Variants in POGZ observed in about 807,000 individuals in gnomAD.
POGZ encodes the protein pogo transposable element derived with ZNF domain, also known as pogo transposable element with ZNF domain.
A neutral mutation model predicts 134.6 loss-of-function variants in POGZ; 17 were observed. That is an observed-to-expected ratio of 0.13 (90% CI 0.09 to 0.19). POGZ has a LOEUF of 0.19. POGZ is among the 10% of genes least tolerant of loss of function. The probability of loss-of-function intolerance (pLI) is 1.00; values close to 1 mark genes in which losing one functional copy is unlikely to be tolerated. For missense variants in POGZ, 1,306 were observed against 1,769.7 expected, an observed-to-expected ratio of 0.74 and a Z score of 4.70; for synonymous variants, 693 against 657.1, an observed-to-expected ratio of 1.05 and a Z score of -0.84.
At chr1:151,456,476 A>T (rs1662786818) in intron 1 of POGZ, among the ~76,000 whole-genome samples, 1 of 152,222 alleles carries the variant, frequency 6.6e-6, no homozygotes, top group Non-Finnish European at 1.5e-5. Flanking sequence ...ATAGTCTGCT[A>T]GTCGTTCTTT....
At chr1:151,410,932 C>T (rs1471909227) in intron 12 of POGZ, among the ~76,000 whole-genome samples, 1 of 152,192 alleles carries the variant, frequency 6.6e-6, no homozygotes, top group Non-Finnish European at 1.5e-5. Flanking sequence ...GAATATCTCT[C>T]AACTCTACCC....
At chr1:151,446,991 A>T (rs938154477) in intron 1 of POGZ, among the ~76,000 whole-genome samples, 3 of 152,130 alleles carry the variant, frequency 2.0e-5, no homozygotes, top group Non-Finnish European at 4.4e-5. Flanking sequence ...TTATGCCCCC[A>T]CTTCCCTGTA....
At chr1:151,445,764 C>G (rs912913538) in intron 1 of POGZ, among the ~76,000 whole-genome samples, 18 of 152,018 alleles carry the variant, frequency 1.2e-4, no homozygotes, top group Non-Finnish European at 2.1e-4. Context: ...TGATTTTGAC[C>G]TACACTCTGC....
At chr1:151,437,881 C>T (rs915938510) in intron 3 of POGZ, among the ~76,000 whole-genome samples, 1 of 152,170 alleles carries the variant, frequency 6.6e-6, no homozygotes, top group Non-Finnish European at 1.5e-5. Flanking sequence ...TCACTTTATT[C>T]TGAAGCCATA....
Position 151,404,532 on chromosome 1 carries a change from TAA to T in POGZ, c.*268_*269del, listed in dbSNP as rs923196184. 346 of 852,410 alleles carry T rather than the reference TAA, an allele frequency of 4.1e-4. No individual in the cohort carries two copies. The highest frequency in any genetic ancestry group is 1.6e-3 in the East Asian group (26 of 16,702). 52.8% of individuals were successfully genotyped at this position (852,410 alleles called of 1,614,324 possible). Reference sequence around the variant, plus strand: ...AATACCAAACACAGTGATTTAAATTTAAAAAAAAAAAAAGTCACAAAAACCTG... The same window carrying T: ...AATACCAAACACAGTGATTTAAATTTAAAAAAAAAAAGTCACAAAAACCTG... On this transcript the variant is annotated 3_prime_UTR_variant, in exon 19 of 19. Coordinates refer to ENST00000271715, the MANE Select transcript of POGZ (RefSeq NM_015100.4).
chr1:151,426,917 T>C (rs1657884534), intron 7 of POGZ: 1 of 151,982 alleles, frequency 6.6e-6, no homozygotes, highest in African/African-American at 2.4e-5. Flanking sequence ...GTTTTAAAGG[T>C]TTTTACTTTT....
intron 3 of POGZ, among the ~76,000 whole-genome samples, chr1:151,434,538 A>T (rs1659266193): frequency 6.6e-6 from 1 of 152,174 alleles, no homozygotes; most frequent in Non-Finnish European, 1.5e-5. Flanking sequence ...CCTCAGTGAC[A>T]ATTAATTCCA....
intron 5 of POGZ, among the ~76,000 whole-genome samples, chr1:151,429,246 C>T (rs959081697): frequency 1.7e-4 from 25 of 150,304 alleles, no homozygotes; most frequent in Non-Finnish European, 3.1e-4. Context: ...AAAATTAAAA[C>T]AAAGTTTATA....
At chr1:151,421,898 G>A (rs920369741) in intron 10 of POGZ, among the ~76,000 whole-genome samples, 4 of 152,030 alleles carry the variant, frequency 2.6e-5, no homozygotes, top group South Asian at 2.1e-4. Flanking sequence ...GATTACCTGC[G>A]CACACCACCA....
chr1:151,459,017 C>CT (rs957157841), intron 1 of POGZ, 135 bp downstream of exon 1: 3 of 146,266 alleles, frequency 2.1e-5, no homozygotes, highest in Non-Finnish European at 4.5e-5. Flanking sequence ...CCGCCGGCCC[C>CT]CCGCCCCCAC....
chr1:151,404,545 A>AAG lies in POGZ; in HGVS notation c.*256_*257insCT. ...GTGATTTAAATTTAAAAAAAAAAAA[A>AAG]GTCACAAAAACCTGTTTTTAGCAGA... On this transcript the variant is annotated 3_prime_UTR_variant, in exon 19 of 19. Coordinates refer to ENST00000271715, the MANE Select transcript of POGZ (RefSeq NM_015100.4). 1 of 1,149,112 alleles carries AAG rather than the reference A, an allele frequency of 8.7e-7. No homozygotes were observed. Among genetic ancestry groups the AAG allele is most frequent in the South Asian group, 4.2e-5 (1 of 23,728 alleles). The allele number at this position is 1,149,112 out of a possible 1,614,324, so 71.2% of individuals were successfully genotyped here.
At chr1:151,437,223 T>C (rs546459283) in intron 3 of POGZ, among the ~76,000 whole-genome samples, 1 of 150,076 alleles carries the variant, frequency 6.7e-6, no homozygotes, top group Non-Finnish European at 1.5e-5. Context: ...AAAAAAGTAA[T>C]ACATGCCACA....
In POGZ at chr1:151,423,966, C is replaced by T; in HGVS notation, c.1506G>A (p.Arg502=). ...TSFRCPHCTK[R]LKNNIRFMNH... Reference sequence around the variant, plus strand: ...ACACTTACCGAATATTGTTTTTTAGCCTTTTGGTACAATGTGGGCATCGGA... The same window carrying T: ...ACACTTACCGAATATTGTTTTTTAGTCTTTTGGTACAATGTGGGCATCGGA... Residue 502 remains arginine, a synonymous_variant, in exon 9 of 19, where the codon AGG becomes AGA. Coordinates refer to ENST00000271715, the MANE Select transcript of POGZ (RefSeq NM_015100.4). The T allele has an allele frequency of 1.2e-6, 2 of 1,613,150 alleles. No individual in the cohort carries two copies. Among genetic ancestry groups the T allele is most frequent in the Non-Finnish European group, 1.7e-6 (2 of 1,179,462 alleles).
At position 151,404,773 on chromosome 1, in the gene POGZ, C is replaced by T; in HGVS notation, c.*29G>A. 3.8e-6 allele frequency: 6 copies of T among 1,561,070 alleles called. No homozygotes were observed. Among genetic ancestry groups the T allele is most frequent in the Non-Finnish European group, 4.3e-6 (5 of 1,152,064 alleles). On this transcript the variant is annotated 3_prime_UTR_variant, in exon 19 of 19. Coordinates refer to ENST00000271715, the MANE Select transcript of POGZ (RefSeq NM_015100.4). ...ACCCTCCCTCACATGTTCCCACCCT[C>T]ACTCCACACCCCCTCATGACCCCAA...
intron 7 of POGZ, 46 bp from the exon 8 acceptor site, chr1:151,425,107 G>C: frequency 9.9e-7 from 1 of 1,005,518 alleles, no homozygotes; most frequent in Non-Finnish European, 1.5e-6. Flanking sequence ...AATGACACTG[G>C]AAAAAGATTA....
In POGZ at chr1:151,428,117, C is replaced by A; in HGVS notation, c.859+6G>T. The A allele has an allele frequency of 6.2e-7, 1 of 1,614,018 alleles. No homozygotes were observed. Among genetic ancestry groups the A allele is most frequent in the Non-Finnish European group, 8.5e-7 (1 of 1,179,884 alleles). On this transcript the variant is annotated splice_donor_region_variant and intron_variant, in intron 6 of 18. Coordinates refer to ENST00000271715, the MANE Select transcript of POGZ (RefSeq NM_015100.4). ...GGCTCTGCCATCTCCTCTTCCGAAG[C>A]CTTACCTAGCTTGGGATTCGTGGTC...
At position 151,404,311 on chromosome 1, in the gene POGZ, A is replaced by G. The variant is rs1326623792; in HGVS notation, c.*491T>C. The stretch of plus-strand genomic sequence containing the variant: ...TAATAAACCAGTTTGTGAGCTACAT[A>G]ATTTGTCTTTCCCATCTTCAGAAAT... On this transcript the variant is annotated 3_prime_UTR_variant, in exon 19 of 19. Coordinates refer to ENST00000271715, the MANE Select transcript of POGZ (RefSeq NM_015100.4). 1 of 984,764 alleles carries G rather than the reference A, an allele frequency of 1.0e-6. No individual in the cohort carries two copies. The highest frequency in any genetic ancestry group is 1.2e-6 in the Non-Finnish European group (1 of 829,014). The allele number at this position is 984,764 out of a possible 1,614,324, so 61.0% of individuals were successfully genotyped here.
chr1:151,411,038 C>T (rs1303773537), intron 12 of POGZ, among the ~76,000 whole-genome samples: 2 of 152,206 alleles, frequency 1.3e-5, no homozygotes, highest in Non-Finnish European at 2.9e-5. Context: ...GTCTCAATCT[C>T]CTTTAATCCA....
chr1:151,424,299 A>G lies in POGZ; in HGVS notation c.1186-13T>C. 6.8e-7 allele frequency: 1 copy of G among 1,480,482 alleles called. No homozygotes were observed. Among genetic ancestry groups the G allele is most frequent in the Non-Finnish European group, 9.2e-7 (1 of 1,087,106 alleles). The allele number at this position is 1,480,482 out of a possible 1,614,324, so 91.7% of individuals were successfully genotyped here. ...CTGGGCAACAGTACTATAAAGAAAG[A>G]CATCTGATCATTCTGGTTATCCTGG... is the stretch of plus-strand genomic sequence containing the variant. On this transcript the variant is annotated splice_polypyrimidine_tract_variant and intron_variant, in intron 8 of 18. Transcript: ENST00000271715.
Sources: gnomAD v4.1 joint callset for allele counts (sites outside exome capture counted in the v4.1 genomes callset) on GRCh38, gnomAD v4.1.1 for gene constraint, MANE v1.5 for transcripts, NCBI Gene and HGNC (gene_info 2026-07-23, HGNC 2026-07-21) for gene names.